RGS6: variants seen among roughly 807,000 people sequenced by gnomAD.
RGS6 encodes regulator of G-protein signaling 6.
RGS6 carries 30 observed loss-of-function variants against 78.5 expected under a neutral mutation model. The observed-to-expected ratio is 0.38, with a 90% CI of 0.29 to 0.52. RGS6 has a LOEUF of 0.52. Ranked by LOEUF, RGS6 falls within the 20% of genes least tolerant of loss-of-function variation. The pLI is 0.85. For missense variants in RGS6, 495 were observed against 609.7 expected (o/e 0.81, Z 1.98); for synonymous variants, 206 against 206.0 (o/e 1.00, Z 0.00).
rs1021212618 is a variant in RGS6, at chr14:72,562,757, C to A, written c.*290C>A. ...ACTCGCTAAGAGGCCCTGATCCCAG[C>A]TCATTCAGGGGAGAACACGTCGTGG... On this transcript the variant is annotated 3_prime_UTR_variant, in exon 18 of 18. Transcript: ENST00000553525. 27 of 1,533,944 alleles carry A rather than the reference C, an allele frequency of 1.8e-5. 1 individual carries two copies. In the Admixed American group the frequency reaches 3.7e-4, roughly 21 times the overall value.
At chr14:72,534,208 T>C (rs149850081) in intron 15 of RGS6, among the ~76,000 whole-genome samples, 1 of 152,376 alleles carries the variant, frequency 6.6e-6, no homozygotes, top group Non-Finnish European at 1.5e-5. Flanking sequence ...GGATTATGAC[T>C]CACCAAAGGC....
chr14:72,476,687 A>T, intron 10 of RGS6, 55 bp from the exon 11 acceptor site: 1 of 1,498,776 alleles, frequency 6.7e-7, no homozygotes, highest in African/African-American at 1.4e-5. Context: ...CTGACCCCTA[A>T]GCCACCCTCC....
intron 1 of RGS6, among the ~76,000 whole-genome samples, chr14:71,948,142 C>A (rs2091804076): frequency 6.6e-6 from 1 of 152,184 alleles, no homozygotes; most frequent in Non-Finnish European, 1.5e-5. Flanking sequence ...TGACTTCCTC[C>A]TTCTATGGCA....
At chr14:72,456,487 A>C (rs1292036715) in intron 4 of RGS6, among the ~76,000 whole-genome samples, 1 of 152,118 alleles carries the variant, frequency 6.6e-6, no homozygotes, top group African/African-American at 2.4e-5. Flanking sequence ...AGAGATGGGG[A>C]TCTCACTGTG....
chr14:72,051,285 C>A lies in RGS6; in HGVS notation c.84+86410C>A, dbSNP rs142618644. ...AAGCACAAGCAAAAAGAAAACAGGG[C>A]TGGCAGTATTCGCATGGGGGCAATT... On this transcript the variant is annotated intron_variant, in intron 2 of 17. Coordinates refer to ENST00000553525, the MANE Select transcript of RGS6 (RefSeq NM_001204424.2). 1.5e-4 allele frequency among the ~76,000 whole-genome samples: 23 copies of A among 152,032 alleles called. 1 individual carries two copies. Among genetic ancestry groups the A allele is most frequent in the African/African-American group, 5.1e-4 (21 of 41,472 alleles).
chr14:72,056,506 G>A (rs1000795817), intron 2 of RGS6, among the ~76,000 whole-genome samples: 2 of 152,136 alleles, frequency 1.3e-5, no homozygotes, highest in Non-Finnish European at 2.9e-5. Flanking sequence ...TAAAAATTGA[G>A]CTTGCAAAAA....
chr14:72,607,035 A>G, the RGS6 span, among the ~76,000 whole-genome samples: 1 of 152,112 alleles, frequency 6.6e-6, no homozygotes, highest in Non-Finnish European at 1.5e-5. Context: ...CCTCAGGCAT[A>G]TCCTTTAGTA....
At chr14:72,283,774 CT>C (rs2061993240) in intron 2 of RGS6, among the ~76,000 whole-genome samples, 1 of 152,174 alleles carries the variant, frequency 6.6e-6, no homozygotes, top group African/African-American at 2.4e-5. Context: ...GTAAAAGCAA[CT>C]TTGAAACCAA....
chr14:72,013,085 A>G (rs1401297905), intron 2 of RGS6, among the ~76,000 whole-genome samples: 1 of 152,056 alleles, frequency 6.6e-6, no homozygotes, highest in Non-Finnish European at 1.5e-5. Context: ...AGCCTGACCA[A>G]CATGGTGAAA....
chr14:72,345,385 T>C (rs1351408657), intron 2 of RGS6, among the ~76,000 whole-genome samples: 1 of 152,218 alleles, frequency 6.6e-6, no homozygotes, highest in Non-Finnish European at 1.5e-5. Flanking sequence ...TCTAAACAGA[T>C]ACAGTGATTC....
chr14:71,911,032 A>G, the RGS6 span, among the ~76,000 whole-genome samples: 1 of 152,188 alleles, frequency 6.6e-6, no homozygotes, highest in African/African-American at 2.4e-5. Context: ...CTGATCTCAT[A>G]GAGATCTGTG....
chr14:72,608,504 G>T, the RGS6 span, among the ~76,000 whole-genome samples: 1 of 152,128 alleles, frequency 6.6e-6, no homozygotes, highest in East Asian at 1.9e-4. Flanking sequence ...TTCTAGATGG[G>T]TCCTGCACCA....
intron 17 of RGS6, chr14:72,541,146 C>T (rs1242488901): frequency 2.2e-6 from 3 of 1,372,936 alleles, no homozygotes; most frequent in Non-Finnish European, 2.9e-6. Context: ...ACATTCCCTT[C>T]CCAAAGGGTG....
intron 15 of RGS6, among the ~76,000 whole-genome samples, chr14:72,524,310 A>G (rs1183407335): frequency 2.0e-5 from 3 of 152,224 alleles, no homozygotes; most frequent in Non-Finnish European, 4.4e-5. Context: ...TTTACCTGGA[A>G]GATGGTGAAT....
At chr14:71,926,585 GAAAAAAA>G in the RGS6 span, among the ~76,000 whole-genome samples, 3 of 51,262 alleles carry the variant, frequency 5.9e-5, no homozygotes, top group Non-Finnish European at 1.2e-4. Context: ...CTCTGTCTCA[GAAAAAAA>G]AAAAAAAAAA....
At chr14:72,180,960 A>G (rs2097166405) in intron 2 of RGS6, among the ~76,000 whole-genome samples, 1 of 152,208 alleles carries the variant, frequency 6.6e-6, no homozygotes, top group Non-Finnish European at 1.5e-5. Flanking sequence ...TGAGCATTCT[A>G]TTATAGCAGC....
intron 2 of RGS6, among the ~76,000 whole-genome samples, chr14:71,995,748 T>C (rs1595836887): frequency 6.6e-6 from 1 of 152,186 alleles, no homozygotes. Flanking sequence ...GCTTTATTAT[T>C]TTTCATGACG....
intron 2 of RGS6, among the ~76,000 whole-genome samples, chr14:72,307,485 A>T (rs376450400): frequency 6.6e-6 from 1 of 152,100 alleles, no homozygotes; most frequent in Non-Finnish European, 1.5e-5. Flanking sequence ...TGAGATAAAG[A>T]TCTATAATTT....
intron 2 of RGS6, among the ~76,000 whole-genome samples, chr14:72,021,320 C>T (rs988639191): frequency 3.3e-5 from 5 of 152,148 alleles, no homozygotes; most frequent in Non-Finnish European, 7.4e-5. Flanking sequence ...AGCTGCTAGT[C>T]TTGCTCTTCT....
Sources: gnomAD v4.1 joint callset for allele counts (sites outside exome capture counted in the v4.1 genomes callset) on GRCh38, gnomAD v4.1.1 for gene constraint, MANE v1.5 for transcripts, NCBI Gene and HGNC (gene_info 2026-07-23, HGNC 2026-07-21) for gene names.